DNAH8: variants seen among roughly 807,000 people sequenced by gnomAD.
DNAH8 encodes the protein axonemal beta dynein heavy chain 8.
Under a neutral mutation model 562.1 loss-of-function variants are expected in DNAH8, and 382 were observed. The ratio of observed to expected loss-of-function variants is 0.68; its 90% CI spans 0.63 to 0.74. The LOEUF (loss-of-function observed/expected upper bound fraction) is 0.74. DNAH8 is among the 30% of genes least tolerant of loss of function. The pLI, the probability that DNAH8 is intolerant of heterozygous loss-of-function variation, is 0.00. For missense variants in DNAH8, 5,203 were observed against 5,620.4 expected, an observed-to-expected ratio of 0.93 and a Z score of 2.37; for synonymous variants, 1,881 against 1,919.4, an observed-to-expected ratio of 0.98 and a Z score of 0.52.
At chr6:38,867,920 G>A in intron 47 of DNAH8, 142 bp from the exon 48 acceptor site, 1 of 710,872 alleles carries the variant, frequency 1.4e-6, no homozygotes, top group Non-Finnish European at 2.3e-6. Flanking sequence ...GCAGGAAGTT[G>A]AGCTAATAAA....
At chr6:38,816,394 T>A (rs1377575247) in intron 26 of DNAH8, among the ~76,000 whole-genome samples, 1 of 152,256 alleles carries the variant, frequency 6.6e-6, no homozygotes, top group Non-Finnish European at 1.5e-5. Context: ...GCTCCATCTA[T>A]GTCCTTGCAA....
intron 88 of DNAH8, among the ~76,000 whole-genome samples, chr6:39,000,447 TG>T (rs1399005002): frequency 1.1e-4 from 16 of 152,048 alleles, no homozygotes; most frequent in Non-Finnish European, 2.9e-5. Context: ...CAGCAGGAGG[TG>T]AGCAGCAGGT....
chr6:38,815,715 T>A, intron 26 of DNAH8, 58 bp downstream of exon 26: 1 of 1,401,456 alleles, frequency 7.1e-7, no homozygotes, highest in Non-Finnish European at 9.7e-7. Flanking sequence ...TGATAGCATA[T>A]AGATTTTTAA....
chr6:38,948,877 T>A (rs1761649138), intron 80 of DNAH8, among the ~76,000 whole-genome samples: 1 of 152,188 alleles, frequency 6.6e-6, no homozygotes, highest in Non-Finnish European at 1.5e-5. Flanking sequence ...AGGTGGGGGA[T>A]CACTAGGAAA....
chr6:38,786,834 T>G lies in DNAH8; in HGVS notation c.2465T>G (p.Ile822Ser). ...GKLLVNFDPKILEVVRETKCM... is the reference protein window; with the variant it reads ...GKLLVNFDPKSLEVVRETKCM... ...TTGCTGGTTAATTTCGATCCCAAAA[T>G]TTTGGAAGTTGTTCGGGAAACTAAG... The change falls in exon 18 of 93, where the codon ATT becomes AGT. Residue 822 changes from isoleucine (I) to serine (S), a missense_variant. Ile to Ser is a moderately radical substitution (Grantham distance 142). This residue lies in a region of DNAH8 where 2,176 missense variants were observed against 2,365.1 expected (regional missense o/e 0.92). Coordinates refer to ENST00000327475, the MANE Select transcript of DNAH8 (RefSeq NM_001206927.2). The G allele has an allele frequency of 6.2e-7, 1 of 1,613,610 alleles. No individual in the cohort carries two copies. The highest frequency in any genetic ancestry group is 8.5e-7 in the Non-Finnish European group (1 of 1,179,776).
At chr6:38,719,897 C>CT (rs1251147454) in intron 1 of DNAH8, among the ~76,000 whole-genome samples, 1 of 152,186 alleles carries the variant, frequency 6.6e-6, no homozygotes, top group Non-Finnish European at 1.5e-5. Context: ...AGCAAGCTGG[C>CT]TGTTTCTTCT....
intron 58 of DNAH8, 44 bp downstream of exon 58, chr6:38,890,805 T>C: frequency 7.4e-7 from 1 of 1,354,460 alleles, no homozygotes; most frequent in South Asian, 1.2e-5. Flanking sequence ...GCAACTATTA[T>C]TCAGCCCTAG....
chr6:38,857,586 T>C lies in DNAH8; in HGVS notation c.5802T>C (p.Asp1934=), dbSNP rs753223026. The part of the protein sequence containing the change: ...DSEEALRNAK[D]DRKIMQVTNQ... ...AAGAGGCTTTACGTAATGCAAAAGA[T>C]GACAGGAAAATCATGCAAGTGACCA... The change falls in exon 42 of 93, where the codon GAT becomes GAC. Residue 1934 remains aspartate (D), a synonymous_variant. Transcript: ENST00000327475. The C allele has an allele frequency of 1.9e-6, 3 of 1,613,976 alleles. No individual in the cohort carries two copies. The highest frequency in any genetic ancestry group is 2.5e-6 in the Non-Finnish European group (3 of 1,179,918).
At chr6:38,732,442 G>A (rs1371057381) in intron 4 of DNAH8, among the ~76,000 whole-genome samples, 2 of 152,168 alleles carry the variant, frequency 1.3e-5, no homozygotes, top group African/African-American at 4.8e-5. Flanking sequence ...GAGCCTCTAT[G>A]AATGGGCATT....
chr6:38,911,444 G>C (rs1220145124), intron 65 of DNAH8, 24 bp from the exon 66 acceptor site: 1 of 1,516,498 alleles, frequency 6.6e-7, no homozygotes, highest in African/African-American at 1.4e-5. Flanking sequence ...GATTGAAATG[G>C]TCCTTTTAAT....
chr6:38,795,934 A>G (rs1460014093), intron 21 of DNAH8, among the ~76,000 whole-genome samples: 1 of 152,180 alleles, frequency 6.6e-6, no homozygotes, highest in Admixed American at 6.5e-5. Context: ...GGCGCATCCA[A>G]GGGTGGTTTA....
At chr6:38,838,141 C>A in intron 33 of DNAH8, 99 bp downstream of exon 33, 1 of 733,074 alleles carries the variant, frequency 1.4e-6, no homozygotes, top group Non-Finnish European at 2.2e-6. Context: ...GCAGAGGACA[C>A]TACAGCTTGG....
At chr6:38,951,725 T>G (rs919502287) in intron 82 of DNAH8, among the ~76,000 whole-genome samples, 2 of 152,204 alleles carry the variant, frequency 1.3e-5, no homozygotes, top group Non-Finnish European at 2.9e-5. Flanking sequence ...AACATGCTCA[T>G]CTAGCATATA....
chr6:38,770,993 C>G (rs1381841106), intron 12 of DNAH8, among the ~76,000 whole-genome samples: 5 of 152,174 alleles, frequency 3.3e-5, no homozygotes, highest in African/African-American at 7.2e-5. Flanking sequence ...CGGGTGATAT[C>G]TTTTCTGGAC....
chr6:38,854,880 A>AT (rs1255861331), intron 41 of DNAH8, among the ~76,000 whole-genome samples: 7 of 149,400 alleles, frequency 4.7e-5, no homozygotes, highest in South Asian at 2.1e-4. Flanking sequence ...CTTTGTATTT[A>AT]ATATATATAC....
intron 58 of DNAH8, among the ~76,000 whole-genome samples, chr6:38,893,832 T>C (rs1779501047): frequency 6.6e-6 from 1 of 152,200 alleles, no homozygotes; most frequent in African/African-American, 2.4e-5. Context: ...TATGGGGTGT[T>C]TGTATCACCA....
At chr6:39,016,602 A>G (rs187105739) in intron 91 of DNAH8, among the ~76,000 whole-genome samples, 31 of 152,238 alleles carry the variant, frequency 2.0e-4, no homozygotes, top group Non-Finnish European at 3.2e-4. Context: ...AACACAGTGC[A>G]GTTTGTATAA....
chr6:38,929,116 T>C (rs146798627), intron 74 of DNAH8, among the ~76,000 whole-genome samples: 1,957 of 152,282 alleles, frequency 0.013, 36 homozygotes, highest in Middle Eastern at 0.037. Flanking sequence ...TTACTCATCT[T>C]GTAGGGGTCC....
At chr6:38,900,074 T>C (rs943710360) in intron 62 of DNAH8, among the ~76,000 whole-genome samples, 168 bp downstream of exon 62, 1 of 152,360 alleles carries the variant, frequency 6.6e-6, no homozygotes. Flanking sequence ...AATACATCTA[T>C]GTAGCCAGTC....
Sources: allele counts gnomAD v4.1 joint callset (sites outside exome capture counted in the v4.1 genomes callset), GRCh38; gene constraint gnomAD v4.1.1; regional missense constraint gnomAD v4.1.1; transcripts MANE v1.5; gene names NCBI Gene and HGNC (gene_info 2026-07-23, HGNC 2026-07-21).